The following MAPK14 variants were observed in gnomAD, a reference collection of about 807,000 sequenced individuals.
MAPK14 encodes mitogen-activated protein kinase 14.
MAPK14 carries 16 observed loss-of-function variants against 49.6 expected under a neutral mutation model. That is an observed-to-expected ratio of 0.32 (90% CI 0.22 to 0.49). The LOEUF (loss-of-function observed/expected upper bound fraction) is 0.49. Ranked by LOEUF, MAPK14 falls within the 20% of genes least tolerant of loss-of-function variation. MAPK14 has a pLI of 0.99. For missense variants in MAPK14, 200 were observed against 441.2 expected (o/e 0.45, Z 4.90); for synonymous variants, 142 against 158.0 (o/e 0.90, Z 0.76).
At position 36,092,065 on chromosome 6, in the gene MAPK14, G is replaced by A. The variant is rs1036304923; in HGVS notation, c.683-3922G>A. 2.5e-4 allele frequency: 120 copies of A among 487,668 alleles called. No homozygotes were observed. The Admixed American group carries it at 2.5e-3, about 10-fold the overall frequency. 30.2% of individuals were successfully genotyped at this position (487,668 alleles called of 1,614,324 possible). On this transcript the variant is annotated intron_variant, in intron 8 of 11. Coordinates refer to ENST00000229794, the MANE Select transcript of MAPK14 (RefSeq NM_139012.3). ...TGCTAGAGCATGGGAATAGACTTTG[G>A]CATCCACTGTAAGATGTTTTTCAGC...
intron 1 of MAPK14, among the ~76,000 whole-genome samples, chr6:36,047,885 G>A (rs1195235570): frequency 6.6e-6 from 1 of 151,968 alleles, no homozygotes; most frequent in African/African-American, 2.4e-5. Context: ...ACAGGTGCCT[G>A]CCACCACACC....
At position 36,039,950 on chromosome 6, in the gene MAPK14, C is replaced by T. The variant is rs533846429; in HGVS notation, c.116+11677C>T. 4.0e-5 allele frequency among the ~76,000 whole-genome samples: 6 copies of T among 150,112 alleles called. No individual in the cohort carries two copies. In the South Asian group the frequency reaches 1.1e-3, roughly 26 times the overall value. On this transcript the variant is annotated intron_variant, in intron 1 of 11. Coordinates refer to ENST00000229794, the MANE Select transcript of MAPK14 (RefSeq NM_139012.3). ...GGCGGAGGTTGCAGTGAGCCGAGAT[C>T]ACTCCCCTGCACTCCTGTCTGGGCG...
At chr6:36,041,220 CTTTTTT>C (rs75773187) in intron 1 of MAPK14, among the ~76,000 whole-genome samples, 1 of 140,784 alleles carries the variant, frequency 7.1e-6, no homozygotes, top group African/African-American at 2.6e-5. Context: ...TTATTGTGCT[CTTTTTT>C]TTTTTTTTAA....
chr6:36,088,911 A>G (rs1765104886), intron 8 of MAPK14, among the ~76,000 whole-genome samples: 1 of 152,194 alleles, frequency 6.6e-6, no homozygotes, highest in Admixed American at 6.5e-5. Context: ...GAAACAACAG[A>G]TGCTGGTGAG....
chr6:36,034,946 T>C (rs1297003011), intron 1 of MAPK14, among the ~76,000 whole-genome samples: 2 of 147,766 alleles, frequency 1.4e-5, no homozygotes, highest in East Asian at 4.0e-4. Flanking sequence ...TCGCCCAGAC[T>C]GGAGTGCCAT....
At position 36,027,871 on chromosome 6, in the gene MAPK14, T is replaced by C; in HGVS notation, c.-287T>C. On this transcript the variant is annotated 5_prime_UTR_variant, in exon 1 of 12. Transcript: ENST00000229794. ...ACTGCGACGCAGCCCGGAGTCGGCC[T>C]TGTAGGGGCGAAGGTGCAGGGAGAT... 1 of 404,866 alleles carries C rather than the reference T, an allele frequency of 2.5e-6. No homozygotes were observed. The highest frequency in any genetic ancestry group is 2.1e-5 in the African/African-American group (1 of 48,752). 25.1% of individuals were successfully genotyped at this position (404,866 alleles called of 1,614,324 possible). A position where few individuals can be genotyped will look rare whatever the true frequency, so the allele number is the denominator to read the frequency against.
chr6:36,049,139 A>G (rs1581750068), intron 1 of MAPK14, among the ~76,000 whole-genome samples: 1 of 152,248 alleles, frequency 6.6e-6, no homozygotes, highest in Non-Finnish European at 1.5e-5. Flanking sequence ...AGCAGAGGTC[A>G]TTAATGACCT....
chr6:36,115,781 TAGTC>T (rs1016846320), downstream of MAPK14, among the ~76,000 whole-genome samples: 1 of 151,808 alleles, frequency 6.6e-6, no homozygotes, highest in Non-Finnish European at 1.5e-5. Context: ...ATAGAAAAAT[TAGTC>T]AGCTGTGGTG....
intron 3 of MAPK14, among the ~76,000 whole-genome samples, chr6:36,064,332 T>C (rs2127431904): frequency 7.1e-6 from 1 of 140,662 alleles, no homozygotes; most frequent in Admixed American, 8.2e-5. Flanking sequence ...TAGACAAGAA[T>C]TTTTTGATTC....
intron 1 of MAPK14, among the ~76,000 whole-genome samples, chr6:36,033,496 T>C (rs1021297259): frequency 2.0e-5 from 3 of 152,154 alleles, no homozygotes; most frequent in Admixed American, 2.0e-4. Context: ...TTTGTATTTT[T>C]AGTAGAGACG....
intron 1 of MAPK14, among the ~76,000 whole-genome samples, chr6:36,041,946 G>A (rs1486525712): frequency 1.3e-5 from 2 of 152,198 alleles, no homozygotes. Context: ...GTGAGTTATA[G>A]TGGTCAGTAT....
chr6:36,092,604 T>C (rs1170373206), intron 8 of MAPK14: 5 of 435,352 alleles, frequency 1.1e-5, no homozygotes, highest in Admixed American at 2.9e-5. Flanking sequence ...TGAAATAATA[T>C]AGTGTTTCCA....
chr6:36,100,118 T>G, intron 9 of MAPK14: 1 of 1,179,298 alleles, frequency 8.5e-7, no homozygotes, highest in South Asian at 1.2e-5. Context: ...TTTTGACCTT[T>G]TTAAAAACTT....
chr6:36,069,701 T>C (rs1249717484), intron 3 of MAPK14, among the ~76,000 whole-genome samples: 2 of 151,882 alleles, frequency 1.3e-5, no homozygotes, highest in East Asian at 3.9e-4. Flanking sequence ...AATTAAAAGC[T>C]CTTTCCCTCT....
chr6:36,047,080 T>C (rs941573851), intron 1 of MAPK14, among the ~76,000 whole-genome samples: 7 of 152,232 alleles, frequency 4.6e-5, no homozygotes, highest in African/African-American at 1.7e-4. Context: ...ATACATTTAC[T>C]TGCTACTTTT....
chr6:36,074,662 C>CAA (rs1764447080), intron 6 of MAPK14, among the ~76,000 whole-genome samples: 3 of 151,778 alleles, frequency 2.0e-5, no homozygotes, highest in Non-Finnish European at 2.9e-5. Flanking sequence ...GTTGCCCAGT[C>CAA]TAGAGTGCAG....
chr6:36,079,890 G>A (rs1260142114), intron 8 of MAPK14, among the ~76,000 whole-genome samples: 1 of 151,918 alleles, frequency 6.6e-6, no homozygotes, highest in Non-Finnish European at 1.5e-5. Context: ...GTTTAACTTG[G>A]AAATTGAATT....
At chr6:36,101,644 G>T (rs1263745708) in intron 9 of MAPK14, among the ~76,000 whole-genome samples, 4 of 151,982 alleles carry the variant, frequency 2.6e-5, no homozygotes, top group Admixed American at 2.0e-4. Context: ...CTCCCAAGTA[G>T]CTGGGACCAC....
At chr6:36,106,169 T>A (rs1765791155) in intron 10 of MAPK14, among the ~76,000 whole-genome samples, 1 of 152,232 alleles carries the variant, frequency 6.6e-6, no homozygotes, top group Admixed American at 6.5e-5. Context: ...ATCACCTGTA[T>A]TTTTGCTGAA....
Sources: gnomAD v4.1 joint callset for allele counts (sites outside exome capture counted in the v4.1 genomes callset) on GRCh38, gnomAD v4.1.1 for gene constraint, MANE v1.5 for transcripts, NCBI Gene and HGNC (gene_info 2026-07-23, HGNC 2026-07-21) for gene names.